The following LARP7 variants were observed in gnomAD, a reference collection of about 807,000 sequenced individuals.
LARP7 encodes La ribonucleoprotein 7, transcriptional regulator.
A neutral mutation model predicts 69.3 loss-of-function variants in LARP7; 52 were observed. The ratio of observed to expected loss-of-function variants is 0.75; its 90% CI spans 0.60 to 0.95. The LOEUF (loss-of-function observed/expected upper bound fraction) is 0.95. Ranked by LOEUF, LARP7 falls within the 40% of genes least tolerant of loss-of-function variation. LARP7 has a pLI of 0.00. For synonymous variants in LARP7, 254 were observed against 215.9 expected, an observed-to-expected ratio of 1.18 and a Z score of -1.55; for missense variants, 733 against 673.0, an observed-to-expected ratio of 1.09 and a Z score of -0.99.
intron 11 of LARP7, among the ~76,000 whole-genome samples, chr4:112,653,577 C>T (rs983133242): frequency 3.3e-5 from 5 of 152,116 alleles, no homozygotes; most frequent in African/African-American, 9.7e-5. Flanking sequence ...CTCTGCCTCC[C>T]GGGTTGAAGT....
Position 112,647,091 on chromosome 4 carries a change from G to A in LARP7, c.610G>A (p.Val204Met). The change falls in exon 6 of 13, where the codon GTG becomes ATG. Residue 204 changes from valine (V) to methionine (M), a missense_variant. Physicochemically the swap from Val to Met is conservative, Grantham distance 21. Transcript: ENST00000344442. ...PRKPGIFPKTVKNKPIPALRV... is the reference protein window; with the variant it reads ...PRKPGIFPKTMKNKPIPALRV... Reference sequence around the variant, plus strand: ...AAAACCTGGCATATTTCCTAAAACAGTGAAAAATAAGCCCATTCCAGCCTT... The same window carrying A: ...AAAACCTGGCATATTTCCTAAAACAATGAAAAATAAGCCCATTCCAGCCTT... 6.2e-7 allele frequency: 1 copy of A among 1,611,500 alleles called. No homozygotes were observed. Among genetic ancestry groups the A allele is most frequent in the Non-Finnish European group, 8.5e-7 (1 of 1,179,436 alleles).
At chr4:112,646,215 C>A (rs1422731825) in intron 2 of LARP7, 136 bp from the exon 3 acceptor site, 1 of 468,958 alleles carries the variant, frequency 2.1e-6, no homozygotes, top group African/African-American at 2.1e-5. Flanking sequence ...CCCCATCCAC[C>A]CGCCTTGGCC....
rs754204087 is a variant in LARP7, at chr4:112,646,465, A to T, written c.303+14A>T. On this transcript the variant is annotated intron_variant, in intron 3 of 12. Coordinates refer to ENST00000344442, the MANE Select transcript of LARP7 (RefSeq NM_016648.4). The stretch of plus-strand genomic sequence containing the variant: ...GCTGTTGTAGAGGTAAGAATCAAGA[A>T]TAACTACTGTTTATATTTATAGTTT... The T allele has an allele frequency of 1.4e-6, 2 of 1,462,378 alleles. No homozygotes were observed. The highest frequency in any genetic ancestry group is 4.6e-5 in the East Asian group (2 of 43,594). The allele number at this position is 1,462,378 out of a possible 1,614,324, so 90.6% of individuals were successfully genotyped here.
intron 1 of LARP7, among the ~76,000 whole-genome samples, chr4:112,640,226 A>T (rs1022240733): frequency 6.6e-6 from 1 of 152,222 alleles, no homozygotes; most frequent in African/African-American, 2.4e-5. Flanking sequence ...GGCGTGAACC[A>T]CTGCACCTGG....
At chr4:112,646,999 A>C in intron 5 of LARP7, 35 bp from the exon 6 acceptor site, 1 of 1,581,814 alleles carries the variant, frequency 6.3e-7, no homozygotes, top group Non-Finnish European at 8.5e-7. Flanking sequence ...AAAAGAAAAC[A>C]AGTATTAAAA....
intron 9 of LARP7, 60 bp from the exon 10 acceptor site, chr4:112,650,397 CTAAG>C: frequency 6.6e-7 from 1 of 1,516,186 alleles, no homozygotes; most frequent in Non-Finnish European, 9.0e-7. Context: ...GGTAGTCCTC[CTAAG>C]TATTAAATTG....
intron 10 of LARP7, among the ~76,000 whole-genome samples, chr4:112,651,602 TTCA>T (rs1309140427): frequency 6.8e-6 from 1 of 146,112 alleles, no homozygotes; most frequent in East Asian, 1.9e-4. Context: ...CAATTACAAA[TTCA>T]TCATTTATGA....
chr4:112,652,464 C>G (rs1024542421), intron 10 of LARP7, among the ~76,000 whole-genome samples: 1 of 152,052 alleles, frequency 6.6e-6, no homozygotes, highest in Non-Finnish European at 1.5e-5. Flanking sequence ...AATTTGCCCT[C>G]ACAGCAGGCA....
intron 8 of LARP7, chr4:112,648,068 GA>G: frequency 1.6e-6 from 1 of 631,494 alleles, no homozygotes; most frequent in Non-Finnish European, 3.1e-6. Flanking sequence ...TGTTAAAGTA[GA>G]GGGGGCCCCT....
chr4:112,652,454 A>G (rs1014472347), intron 10 of LARP7, among the ~76,000 whole-genome samples: 8 of 152,120 alleles, frequency 5.3e-5, no homozygotes, highest in Non-Finnish European at 8.8e-5. Context: ...GAATCTGGTT[A>G]ATTTGCCCTC....
chr4:112,649,911 C>T, intron 9 of LARP7: 1 of 302,806 alleles, frequency 3.3e-6, no homozygotes, highest in Non-Finnish European at 6.1e-6. Context: ...CCTGAGTTTT[C>T]TCTACAGTTT....
At chr4:112,650,064 T>C (rs1369900013) in intron 9 of LARP7, 4 of 183,578 alleles carry the variant, frequency 2.2e-5, no homozygotes, top group Admixed American at 1.1e-4. Context: ...AATTCAAAAT[T>C]AGGATACATT....
rs1222706279 is a variant in LARP7, at chr4:112,647,308, A to G, written c.756A>G (p.Lys252=). The change falls in exon 7 of 13, where the codon AAA becomes AAG. Residue 252 remains lysine, a synonymous_variant. Transcript: ENST00000344442. ...GCAACACCAGCATCAGTAAAATGAA[A>G]AGATCCAGACCCACATCTGAGGGCT... is the stretch of plus-strand genomic sequence containing the variant. The part of the protein sequence containing the change: ...DTSNTSISKM[K]RSRPTSEGSD... 1 of 1,613,986 alleles carries G rather than the reference A, an allele frequency of 6.2e-7. No individual in the cohort carries two copies. Among genetic ancestry groups the G allele is most frequent in the Admixed American group, 1.7e-5 (1 of 60,004 alleles).
At chr4:112,651,247 T>G (rs1011973608) in intron 10 of LARP7, among the ~76,000 whole-genome samples, 1 of 152,188 alleles carries the variant, frequency 6.6e-6, no homozygotes. Flanking sequence ...CATCACTTAG[T>G]ATGTTGTTTT....
At chr4:112,654,379 T>A in intron 12 of LARP7, 2 of 426,266 alleles carry the variant, frequency 4.7e-6, no homozygotes, top group Non-Finnish European at 8.4e-6. Flanking sequence ...ATAATTTTAA[T>A]TTAGATTTTT....
rs1330486673 is a variant in LARP7 at position 112,646,861 on chromosome 4, A to G, written c.458A>G (p.Tyr153Cys). ...TTTGGGAAATGTGGCAATGTTGTTT[A>G]TATAAGTATACCACATTATAAGTCT... ...RVFGKCGNVV[Y>C]ISIPHYKSTG... The change falls in exon 5 of 13, where the codon TAT becomes TGT. Residue 153 changes from tyrosine (Y) to cysteine (C), a missense_variant. Coordinates refer to ENST00000344442, the MANE Select transcript of LARP7 (RefSeq NM_016648.4). The G allele has an allele frequency of 1.2e-6, 2 of 1,608,316 alleles. No individual in the cohort carries two copies. The highest frequency in any genetic ancestry group is 1.1e-5 in the South Asian group (1 of 89,516).
At position 112,647,763 on chromosome 4, in the gene LARP7, G is replaced by T. The variant is rs2048389786; in HGVS notation, c.1071G>T (p.Arg357Ser). Reference protein sequence around the residue: ...LKDSSLLKTKRKHKKKHKERH... With the variant: ...LKDSSLLKTKSKHKKKHKERH... ...ATAGCTCTCTCTTGAAAACAAAAAGGAAACATAAGAAAAAACATAAAGAGA... is the reference window on the plus strand; with the variant it reads ...ATAGCTCTCTCTTGAAAACAAAAAGTAAACATAAGAAAAAACATAAAGAGA... Residue 357 changes from arginine to serine, a missense_variant, in exon 8 of 13, where the codon AGG becomes AGT. Transcript: ENST00000344442. 6.3e-7 allele frequency: 1 copy of T among 1,576,240 alleles called. No homozygotes were observed. Among genetic ancestry groups the T allele is most frequent in the Non-Finnish European group, 8.6e-7 (1 of 1,160,438 alleles).
chr4:112,650,425 G>A (rs756274569), intron 9 of LARP7, 36 bp from the exon 10 acceptor site: 1 of 1,609,282 alleles, frequency 6.2e-7, no homozygotes, highest in Admixed American at 1.7e-5. Flanking sequence ...TTAAGTGTAA[G>A]AGATTTAGTC....
intron 1 of LARP7, among the ~76,000 whole-genome samples, chr4:112,640,510 T>C (rs2047919287): frequency 6.6e-6 from 1 of 151,906 alleles, no homozygotes; most frequent in Non-Finnish European, 1.5e-5. Context: ...GAGACCAGCC[T>C]GGCCAAAATG....
Sources: allele counts gnomAD v4.1 joint callset (sites outside exome capture counted in the v4.1 genomes callset), GRCh38; gene constraint gnomAD v4.1.1; transcripts MANE v1.5; gene names NCBI Gene and HGNC (gene_info 2026-07-23, HGNC 2026-07-21).